SPAG16: variants seen among roughly 807,000 people sequenced by gnomAD.
The protein encoded by SPAG16 is sperm-associated antigen 16 protein.
SPAG16 carries 86 observed loss-of-function variants against 80.4 expected under a neutral mutation model. The ratio of observed to expected loss-of-function variants is 1.07; its 90% CI spans 0.90 to 1.28. SPAG16 has a LOEUF of 1.28. Among genes scored for constraint, SPAG16 ranks in the 50% most tolerant of loss-of-function variants. SPAG16 has a pLI of 0.00. For synonymous variants in SPAG16, 294 were observed against 265.9 expected (o/e 1.11, Z -1.03); for missense variants, 870 against 765.3 (o/e 1.14, Z -1.61).
chr2:214,154,461 G>A (rs1576365893), intron 15 of SPAG16, among the ~76,000 whole-genome samples: 1 of 148,882 alleles, frequency 6.7e-6, no homozygotes, highest in Admixed American at 6.8e-5. Context: ...AAAATGGGAC[G>A]AAAATATGAC....
At chr2:214,310,155 T>A (rs944128466) in intron 15 of SPAG16, among the ~76,000 whole-genome samples, 4 of 136,676 alleles carry the variant, frequency 2.9e-5, no homozygotes, top group African/African-American at 1.1e-4. Flanking sequence ...AACCGTCATT[T>A]TCTTTCTTTC....
chr2:213,435,002 C>G (rs2070539893), intron 9 of SPAG16, among the ~76,000 whole-genome samples: 1 of 152,102 alleles, frequency 6.6e-6, no homozygotes, highest in African/African-American at 2.4e-5. Flanking sequence ...AAAAAGACAC[C>G]TACACTTGTA....
At chr2:213,492,991 G>A (rs574080180) in intron 10 of SPAG16, among the ~76,000 whole-genome samples, 10 of 152,010 alleles carry the variant, frequency 6.6e-5, no homozygotes, top group African/African-American at 1.9e-4. Flanking sequence ...ATACATATAC[G>A]AGACTCAGAC....
At chr2:213,558,220 C>A (rs897052158) in intron 10 of SPAG16, among the ~76,000 whole-genome samples, 23 of 152,022 alleles carry the variant, frequency 1.5e-4, no homozygotes, top group African/African-American at 5.6e-4. Flanking sequence ...CTTTCATCTT[C>A]CACAGAGCAT....
At chr2:214,336,084 G>T (rs1478897631) in intron 15 of SPAG16, among the ~76,000 whole-genome samples, 3 of 152,008 alleles carry the variant, frequency 2.0e-5, no homozygotes, top group Non-Finnish European at 4.4e-5. Flanking sequence ...TTTACATAAA[G>T]TACTCATTAG....
At chr2:213,508,091 TCCCATCACTGGGTATATA>T (rs1300580772) in intron 10 of SPAG16, among the ~76,000 whole-genome samples, 2 of 152,214 alleles carry the variant, frequency 1.3e-5, no homozygotes, top group Non-Finnish European at 2.9e-5. Flanking sequence ...GACCCAGCCA[TCCCATCACTGGGTATATA>T]CCCAAAGGAT....
intron 10 of SPAG16, among the ~76,000 whole-genome samples, chr2:213,527,943 T>C (rs1381140272): frequency 6.6e-6 from 1 of 152,054 alleles, no homozygotes. Context: ...AAGGTAGTTA[T>C]AGATATGGAT....
chr2:214,097,920 A>G (rs13387479), intron 13 of SPAG16, among the ~76,000 whole-genome samples: 13,796 of 152,020 alleles, frequency 0.091, 794 homozygotes, highest in East Asian at 0.29. Context: ...TGGCACTATC[A>G]TGTAGATACT....
intron 10 of SPAG16, among the ~76,000 whole-genome samples, chr2:213,669,204 G>A (rs773797353): frequency 3.9e-5 from 6 of 152,188 alleles, no homozygotes; most frequent in Non-Finnish European, 5.9e-5. Context: ...TAGATATGAT[G>A]TGAAAATTGT....
chr2:214,225,938 G>A (rs1309082039), intron 15 of SPAG16, among the ~76,000 whole-genome samples: 1 of 152,118 alleles, frequency 6.6e-6, no homozygotes, highest in Non-Finnish European at 1.5e-5. Context: ...CAGTCTAGAA[G>A]TGGTATCTTT....
At chr2:214,200,925 A>G (rs2057991645) in intron 15 of SPAG16, among the ~76,000 whole-genome samples, 1 of 152,168 alleles carries the variant, frequency 6.6e-6, no homozygotes, top group South Asian at 2.1e-4. Context: ...ATTACCACAC[A>G]TGGGAAGACA....
At position 213,458,805 on chromosome 2, in the gene SPAG16, A is replaced by G. The variant is rs13030561; in HGVS notation, c.943-31158A>G. ...TTTTACTGTTCTCCCTTTGAATACA[A>G]TATATCTATATTTCCCTCTGGCTAC... On this transcript the variant is annotated intron_variant, in intron 9 of 15. Transcript: ENST00000331683. 6.0e-3 allele frequency among the ~76,000 whole-genome samples: 920 copies of G among 152,300 alleles called. 5 individuals are homozygous for G. The highest frequency in any genetic ancestry group is 0.011 in the Admixed American group (170 of 15,302).
At chr2:214,204,659 G>A (rs2058094767) in intron 15 of SPAG16, among the ~76,000 whole-genome samples, 1 of 152,168 alleles carries the variant, frequency 6.6e-6, no homozygotes, top group Non-Finnish European at 1.5e-5. Context: ...CACCCTCTTG[G>A]ACAAAAGAAT....
intron 10 of SPAG16, among the ~76,000 whole-genome samples, chr2:213,609,539 G>A (rs1574482268): frequency 6.6e-6 from 1 of 152,176 alleles, no homozygotes; most frequent in South Asian, 2.1e-4. Flanking sequence ...TCACCCTCTT[G>A]CACTCATGAA....
At chr2:214,245,981 G>A (rs1559152658) in intron 15 of SPAG16, among the ~76,000 whole-genome samples, 1 of 152,144 alleles carries the variant, frequency 6.6e-6, no homozygotes, top group Non-Finnish European at 1.5e-5. Context: ...TGTAAAGACA[G>A]ATTTCTAGTA....
intron 15 of SPAG16, among the ~76,000 whole-genome samples, chr2:214,347,377 A>G (rs1000461065): frequency 1.9e-4 from 29 of 152,234 alleles, no homozygotes; most frequent in African/African-American, 6.7e-4. Context: ...TTTGGAAAAA[A>G]CATAAAGGCT....
At chr2:213,672,869 T>G (rs938656634) in intron 10 of SPAG16, among the ~76,000 whole-genome samples, 4 of 149,782 alleles carry the variant, frequency 2.7e-5, no homozygotes, top group African/African-American at 9.8e-5. Context: ...GTTTTTTTTT[T>G]TTTTTTTGAG....
At chr2:213,706,163 G>A (rs1025831366) in intron 10 of SPAG16, among the ~76,000 whole-genome samples, 3 of 152,160 alleles carry the variant, frequency 2.0e-5, no homozygotes, top group Non-Finnish European at 2.9e-5. Flanking sequence ...TCATGGAGCC[G>A]AGGTGGCAGG....
intron 12 of SPAG16, among the ~76,000 whole-genome samples, chr2:213,945,312 T>A (rs1045017263): frequency 7.6e-5 from 11 of 145,366 alleles, no homozygotes; most frequent in African/African-American, 2.8e-4. Context: ...CAAGTATATA[T>A]ATGTGTGTGT....
Sources: allele counts gnomAD v4.1 joint callset (sites outside exome capture counted in the v4.1 genomes callset), GRCh38; gene constraint gnomAD v4.1.1; transcripts MANE v1.5; gene names NCBI Gene and HGNC (gene_info 2026-07-23, HGNC 2026-07-21).